Variants in TFDP2 observed in about 807,000 individuals in gnomAD.
TFDP2 encodes transcription factor Dp-2, also known as transcription factor Dp-2 (E2F dimerization partner 2).
Under a neutral mutation model 59.3 loss-of-function variants are expected in TFDP2, and 17 were observed. That is an observed-to-expected ratio of 0.29 (90% CI 0.20 to 0.43). The LOEUF (loss-of-function observed/expected upper bound fraction) is 0.43. TFDP2 is among the 20% of genes least tolerant of loss of function. The pLI, the probability that TFDP2 is intolerant of heterozygous loss-of-function variation, is 1.00. For synonymous variants in TFDP2, 180 were observed against 194.7 expected (o/e 0.92, Z 0.63); for missense variants, 391 against 528.8 (o/e 0.74, Z 2.56).
rs143742524 is a variant in TFDP2 at position 142,136,404 on chromosome 3, G to A, written c.-93+12779C>T. Among the ~76,000 whole-genome samples, 707 of 152,060 alleles carry A rather than the reference G, an allele frequency of 4.6e-3. 5 individuals are homozygous for A. Among genetic ancestry groups the A allele is most frequent in the African/African-American group, 0.016 (657 of 41,514 alleles). On this transcript the variant is annotated intron_variant, in intron 1 of 12. Transcript: ENST00000489671. ...CACTCTGATGGCAGTTTCTTTTGCC[G>A]TGCAGAAGCTCTTTAGTTTAATTAG... is the stretch of plus-strand genomic sequence containing the variant.
intron 9 of TFDP2, among the ~76,000 whole-genome samples, chr3:141,965,464 T>G (rs1456944296): frequency 1.4e-5 from 2 of 143,114 alleles, no homozygotes; most frequent in Non-Finnish European, 3.0e-5. Flanking sequence ...GCCACTACAT[T>G]CCAACCTGGG....
At chr3:142,019,892 A>G (rs1248189223) in intron 3 of TFDP2, among the ~76,000 whole-genome samples, 2 of 152,164 alleles carry the variant, frequency 1.3e-5, no homozygotes, top group African/African-American at 4.8e-5. Context: ...TCAGTTCCCC[A>G]TGGTTTTGTT....
chr3:142,073,465 C>T (rs558792140), intron 3 of TFDP2, among the ~76,000 whole-genome samples: 1 of 70,158 alleles, frequency 1.4e-5, no homozygotes, highest in South Asian at 7.0e-4. Flanking sequence ...CAACCCCCCC[C>T]CCCCCGCAAA....
chr3:142,138,706 T>C (rs2108746218), intron 1 of TFDP2, among the ~76,000 whole-genome samples: 1 of 152,378 alleles, frequency 6.6e-6, no homozygotes, highest in South Asian at 2.1e-4. Context: ...TCCTGAGTTC[T>C]AATTTGATTG....
intron 1 of TFDP2, among the ~76,000 whole-genome samples, chr3:142,110,514 CA>C (rs1003778385): frequency 2.0e-5 from 3 of 147,912 alleles, no homozygotes; most frequent in African/African-American, 5.0e-5. Flanking sequence ...AAAAAAAAAA[CA>C]AAAAAAAGCT....
At chr3:142,095,257 T>C (rs373220661) in intron 2 of TFDP2, among the ~76,000 whole-genome samples, 1 of 152,194 alleles carries the variant, frequency 6.6e-6, no homozygotes, top group East Asian at 1.9e-4. Context: ...CCCAAAGTAC[T>C]GGGATTACAG....
intron 3 of TFDP2, among the ~76,000 whole-genome samples, chr3:142,021,565 T>C (rs1348566768): frequency 6.6e-6 from 1 of 152,204 alleles, no homozygotes; most frequent in African/African-American, 2.4e-5. Context: ...TCAAACCTGT[T>C]CTCTTGGCTT....
intron 3 of TFDP2, among the ~76,000 whole-genome samples, chr3:142,054,890 T>G (rs774168046): frequency 2.2e-4 from 34 of 152,322 alleles, no homozygotes; most frequent in Non-Finnish European, 3.8e-4. Context: ...TTCTAATGCA[T>G]GTAAGACTAT....
intron 6 of TFDP2, among the ~76,000 whole-genome samples, chr3:141,986,168 C>T (rs1942076426): frequency 6.6e-6 from 1 of 152,210 alleles, no homozygotes; most frequent in African/African-American, 2.4e-5. Flanking sequence ...AGGAAGAAAG[C>T]TTTCCTTTTC....
chr3:142,047,831 T>G (rs181209118), intron 3 of TFDP2, among the ~76,000 whole-genome samples: 15 of 148,092 alleles, frequency 1.0e-4, no homozygotes, highest in Admixed American at 2.1e-4. Context: ...AACCTCCGCC[T>G]CCCGGGTTCA....
chr3:142,128,468 C>T (rs2108719914), intron 1 of TFDP2, among the ~76,000 whole-genome samples: 2 of 152,330 alleles, frequency 1.3e-5, no homozygotes, highest in South Asian at 4.1e-4. Flanking sequence ...AGCACTCAAT[C>T]ACCCTGTGTA....
chr3:142,002,655 C>T (rs906360542), intron 4 of TFDP2, among the ~76,000 whole-genome samples: 2 of 152,118 alleles, frequency 1.3e-5, no homozygotes, highest in Non-Finnish European at 2.9e-5. Context: ...ACCAGAATCA[C>T]CCTTAATGGT....
At chr3:142,048,179 A>T (rs1248276280) in intron 3 of TFDP2, among the ~76,000 whole-genome samples, 1 of 152,024 alleles carries the variant, frequency 6.6e-6, no homozygotes, top group Non-Finnish European at 1.5e-5. Flanking sequence ...CCTTGGGAGG[A>T]TGAGGTGGGC....
intron 9 of TFDP2, among the ~76,000 whole-genome samples, chr3:141,965,737 T>G (rs76948872): frequency 2.6e-5 from 4 of 151,992 alleles, no homozygotes; most frequent in African/African-American, 7.3e-5. Flanking sequence ...CACCAATTTA[T>G]TGTAGACCTA....
Position 141,974,041 on chromosome 3 carries a change from C to T in TFDP2, c.663+7G>A. ...ACAGCTATTCATAAACAGATTTTCT[C>T]ACTTACCTCCAGATTCTGACATTCC... is the stretch of plus-strand genomic sequence containing the variant. On this transcript the variant is annotated splice_region_variant and intron_variant, in intron 8 of 12. Coordinates refer to ENST00000489671, the MANE Select transcript of TFDP2 (RefSeq NM_001178139.2). The T allele has an allele frequency of 6.2e-7, 1 of 1,606,614 alleles. No homozygotes were observed. The highest frequency in any genetic ancestry group is 8.5e-7 in the Non-Finnish European group (1 of 1,177,976).
rs1939115879 is a variant in TFDP2 at position 141,969,090 on chromosome 3, A to ATCT, written c.732+982_732+983insAGA. On this transcript the variant is annotated intron_variant, in intron 9 of 12. Coordinates refer to ENST00000489671, the MANE Select transcript of TFDP2 (RefSeq NM_001178139.2). The stretch of plus-strand genomic sequence containing the variant: ...CATATATATGAGATATATATATATA[A>ATCT]CATATATATATATCTCATATATATG... 3.6e-4 allele frequency among the ~76,000 whole-genome samples: 21 copies of ATCT among 58,368 alleles called. 3 individuals are homozygous for ATCT. Among genetic ancestry groups the ATCT allele is most frequent in the Non-Finnish European group, 6.0e-4 (21 of 34,850 alleles). The allele number at this position is 58,368 out of a possible 152,430, so 38.3% of individuals were successfully genotyped here.
intron 8 of TFDP2, among the ~76,000 whole-genome samples, chr3:141,973,049 G>A (rs1290177151): frequency 6.8e-6 from 1 of 147,248 alleles, no homozygotes; most frequent in East Asian, 2.0e-4. Flanking sequence ...AGAAAAGACT[G>A]AGAAAAACAG....
chr3:142,112,001 G>C (rs563902142), intron 1 of TFDP2, among the ~76,000 whole-genome samples: 2 of 152,106 alleles, frequency 1.3e-5, no homozygotes, highest in Non-Finnish European at 2.9e-5. Flanking sequence ...AGGAGGCAGA[G>C]GCTGTAGTGA....
chr3:142,066,101 G>A (rs2060066596), intron 3 of TFDP2, among the ~76,000 whole-genome samples: 1 of 152,008 alleles, frequency 6.6e-6, no homozygotes, highest in Non-Finnish European at 1.5e-5. Flanking sequence ...TCTCACATTT[G>A]CATCTCACCA....
Sources: allele counts gnomAD v4.1 joint callset (sites outside exome capture counted in the v4.1 genomes callset), GRCh38; gene constraint gnomAD v4.1.1; transcripts MANE v1.5; gene names NCBI Gene and HGNC (gene_info 2026-07-23, HGNC 2026-07-21).